Variants in MACROD2 observed in about 807,000 individuals in gnomAD.
The protein encoded by MACROD2 is mono-ADP ribosylhydrolase 2.
A neutral mutation model predicts 70.4 loss-of-function variants in MACROD2; 36 were observed. The ratio of observed to expected loss-of-function variants is 0.51; its 90% confidence interval spans 0.39 to 0.68. The LOEUF is 0.68. Ranked by LOEUF, MACROD2 falls within the 30% of genes least tolerant of loss-of-function variation. MACROD2 has a pLI of 0.00. For missense variants in MACROD2, 496 were observed against 538.4 expected (o/e 0.92, Z 0.78); for synonymous variants, 172 against 178.8 (o/e 0.96, Z 0.30).
chr20:15,510,295 T>A (rs1473756606), intron 8 of MACROD2, among the ~76,000 whole-genome samples: 1 of 152,194 alleles, frequency 6.6e-6, no homozygotes, highest in African/African-American at 2.4e-5. Context: ...AAGGACATTC[T>A]AACAACCATT....
chr20:15,250,991 A>C (rs2077151065), intron 6 of MACROD2, among the ~76,000 whole-genome samples: 1 of 152,196 alleles, frequency 6.6e-6, no homozygotes, highest in South Asian at 2.1e-4. Context: ...CCTGATGACT[A>C]TTCTGAAGCA....
At chr20:14,164,924 C>T (rs568254296) in intron 3 of MACROD2, among the ~76,000 whole-genome samples, 1 of 152,266 alleles carries the variant, frequency 6.6e-6, no homozygotes, top group African/African-American at 2.4e-5. Flanking sequence ...GTGGCAGTGG[C>T]TGTGGGCATT....
intron 8 of MACROD2, among the ~76,000 whole-genome samples, chr20:15,708,911 AG>A (rs1422792392): frequency 3.3e-5 from 5 of 152,168 alleles, no homozygotes; most frequent in Non-Finnish European, 7.4e-5. Flanking sequence ...TTGTAGTCTA[AG>A]CAACTCAGGA....
intron 5 of MACROD2, among the ~76,000 whole-genome samples, chr20:14,979,849 T>C (rs2074781126): frequency 6.6e-6 from 1 of 152,194 alleles, no homozygotes; most frequent in South Asian, 2.1e-4. Context: ...AGTTTTGCCT[T>C]TGTCACTAAA....
intron 5 of MACROD2, among the ~76,000 whole-genome samples, chr20:14,837,718 C>T: frequency 6.6e-6 from 1 of 152,116 alleles, no homozygotes; most frequent in Non-Finnish European, 1.5e-5. Flanking sequence ...ATTTACCTTA[C>T]TATGACAAAT....
rs562735153 is a variant in MACROD2 at position 14,655,484 on chromosome 20, G to A, written c.302-29359G>A. ...TTAGTTATTCAAACATGATAAAATC[G>A]TGTTTGGTCGGGTCTTGGTGTTAAA... On this transcript the variant is annotated intron_variant, in intron 4 of 17. Coordinates refer to ENST00000684519, the MANE Select transcript of MACROD2 (RefSeq NM_001351661.2). Among the ~76,000 whole-genome samples the A allele has an allele frequency of 5.3e-5, 8 of 152,086 alleles. No homozygotes were observed. The South Asian group carries it at 1.0e-3, about 20-fold the overall frequency.
chr20:14,743,875 C>T (rs375294624), intron 5 of MACROD2, among the ~76,000 whole-genome samples: 1 of 152,186 alleles, frequency 6.6e-6, no homozygotes, highest in East Asian at 1.9e-4. Flanking sequence ...ATAATACAGA[C>T]ACAGGGGTGG....
At chr20:15,671,416 G>C (rs1004312930) in intron 8 of MACROD2, among the ~76,000 whole-genome samples, 2 of 152,182 alleles carry the variant, frequency 1.3e-5, no homozygotes, top group African/African-American at 4.8e-5. Flanking sequence ...AATGTAAGGG[G>C]TGGGGGGATT....
chr20:15,080,142 A>AT (rs1264528218), intron 5 of MACROD2, among the ~76,000 whole-genome samples: 4 of 141,236 alleles, frequency 2.8e-5, no homozygotes, highest in Non-Finnish European at 6.5e-5. Context: ...AAATAAATAA[A>AT]TAAATAAATA....
chr20:14,450,767 C>A (rs1304053163), intron 3 of MACROD2, among the ~76,000 whole-genome samples: 1 of 152,016 alleles, frequency 6.6e-6, no homozygotes, highest in Non-Finnish European at 1.5e-5. Context: ...ACAATTCCTA[C>A]TGAGAAACAT....
intron 10 of MACROD2, among the ~76,000 whole-genome samples, chr20:15,931,853 C>T (rs556676265): frequency 1.3e-5 from 2 of 152,206 alleles, no homozygotes; most frequent in Non-Finnish European, 2.9e-5. Context: ...AAACTTTCTT[C>T]AGTAGGTCGT....
rs200416960 is a variant in MACROD2, at chr20:15,166,611, C to CA, written c.419-63320dup. The stretch of plus-strand genomic sequence containing the variant: ...AAGTATAAGATCATCTCAATAGAAA[C>CA]AAAAAAAAAGTATAAAATACAACAA... On this transcript the variant is annotated intron_variant, in intron 5 of 17. Coordinates refer to ENST00000684519, the MANE Select transcript of MACROD2 (RefSeq NM_001351661.2). Among the ~76,000 whole-genome samples the CA allele has an allele frequency of 4.7e-4, 70 of 148,564 alleles. 1 individual carries two copies. Among genetic ancestry groups the CA allele is most frequent in the East Asian group, 3.4e-3 (17 of 5,072 alleles).
chr20:15,233,960 AATTTATTTTTATATATATTT>A lies in MACROD2; in HGVS notation c.540+3906_540+3925del, dbSNP rs1323883324. On this transcript the variant is annotated intron_variant, in intron 6 of 17. Transcript: ENST00000684519. Reference sequence around the variant, plus strand: ...CCATGAGTTACCCTTGGATCCAAAAAATTTATTTTTATATATATTTATTTATATATATATATATATATATA... The same window carrying A: ...CCATGAGTTACCCTTGGATCCAAAAAATTTATATATATATATATATATATA... Among the ~76,000 whole-genome samples the A allele has an allele frequency of 2.5e-4, 22 of 89,070 alleles. 1 individual carries two copies. The highest frequency in any genetic ancestry group is 1.3e-3 in the East Asian group (5 of 3,866). The allele number at this position is 89,070 out of a possible 152,430, so 58.4% of individuals were successfully genotyped here.
At chr20:15,128,249 T>C (rs1318396017) in intron 5 of MACROD2, among the ~76,000 whole-genome samples, 1 of 152,088 alleles carries the variant, frequency 6.6e-6, no homozygotes, top group Non-Finnish European at 1.5e-5. Context: ...TTTAATCTTG[T>C]TTTTACAGTA....
intron 5 of MACROD2, among the ~76,000 whole-genome samples, chr20:14,859,057 G>A (rs543810271): frequency 1.3e-5 from 2 of 152,084 alleles, no homozygotes; most frequent in South Asian, 4.2e-4. Flanking sequence ...ATGATATAAT[G>A]GACTCTGGGG....
chr20:15,011,379 T>A (rs913311547), intron 5 of MACROD2, among the ~76,000 whole-genome samples: 2 of 152,118 alleles, frequency 1.3e-5, no homozygotes, highest in Non-Finnish European at 2.9e-5. Context: ...TTTTACTAAA[T>A]GTTATCTTTG....
chr20:14,346,670 T>A (rs1326403218), intron 3 of MACROD2, among the ~76,000 whole-genome samples: 2 of 152,174 alleles, frequency 1.3e-5, no homozygotes, highest in African/African-American at 4.8e-5. Flanking sequence ...TTAGGAGGAA[T>A]GGGTGGTGAT....
chr20:15,032,566 C>G (rs962564936), intron 5 of MACROD2, among the ~76,000 whole-genome samples: 1 of 152,134 alleles, frequency 6.6e-6, no homozygotes, highest in Non-Finnish European at 1.5e-5. Flanking sequence ...TCAGAGCTGC[C>G]GACATTTGCT....
chr20:15,182,664 TAGG>T (rs1487790731), intron 5 of MACROD2, among the ~76,000 whole-genome samples: 1 of 152,184 alleles, frequency 6.6e-6, no homozygotes, highest in African/African-American at 2.4e-5. Flanking sequence ...ATCAATATTT[TAGG>T]AGACTTCCTG....
Sources: allele counts gnomAD v4.1 joint callset (sites outside exome capture counted in the v4.1 genomes callset), GRCh38; gene constraint gnomAD v4.1.1; transcripts MANE v1.5; gene names NCBI Gene and HGNC (gene_info 2026-07-23, HGNC 2026-07-21).